Variants in PYY observed in about 807,000 individuals in gnomAD.
The protein encoded by PYY is peptide YY.
A neutral mutation model predicts 10.3 loss-of-function variants in PYY; 12 were observed. The ratio of observed to expected loss-of-function variants is 1.17; its 90% confidence interval spans 0.75 to 1.89. PYY has a LOEUF of 1.89. Among genes scored for constraint, PYY ranks in the 40% most tolerant of loss-of-function variants. The pLI is 0.00. For synonymous variants in PYY, 66 were observed against 62.0 expected (o/e 1.06, Z -0.30); for missense variants, 141 against 134.0 (o/e 1.05, Z -0.26).
Position 43,989,157 on chromosome 17 carries a change from G to A in PYY, c.-463+15234C>T, listed in dbSNP as rs532191170. 1.1e-4 allele frequency among the ~76,000 whole-genome samples: 16 copies of A among 151,948 alleles called. No individual in the cohort carries two copies. The South Asian group carries it at 1.9e-3, about 18-fold the overall frequency. ...CGGGAGGCCAAGGCGGGCGGATCAC[G>A]AGGTCAGGAGATCAAGACCATCCTG... On this transcript the variant is annotated intron_variant, in intron 1 of 6. Transcript: ENST00000360085.
At chr17:43,990,940 G>A (rs1023158309) in intron 1 of PYY, among the ~76,000 whole-genome samples, 4 of 151,424 alleles carry the variant, frequency 2.6e-5, no homozygotes, top group South Asian at 2.1e-4. Context: ...GACTACAGGC[G>A]CCCGCCACCA....
chr17:43,952,822 C>T lies in PYY; in HGVS notation c.*134G>A. On this transcript the variant is annotated 3_prime_UTR_variant, in exon 4 of 4. Coordinates refer to ENST00000692052, the MANE Select transcript of PYY (RefSeq NM_001394028.1). ...CCCAGGGGGCGGGGGCACCGAGACG[C>T]GGGCGGAGGGCCGCACCCGAACCCT... 1.0e-6 allele frequency: 1 copy of T among 975,900 alleles called. No individual in the cohort carries two copies. Among genetic ancestry groups the T allele is most frequent in the Non-Finnish European group, 1.5e-6 (1 of 677,630 alleles). The allele number at this position is 975,900 out of a possible 1,614,324, so 60.5% of individuals were successfully genotyped here.
chr17:43,969,698 G>A (rs922355172), intron 1 of PYY, among the ~76,000 whole-genome samples: 3 of 151,380 alleles, frequency 2.0e-5, no homozygotes, highest in African/African-American at 7.3e-5. Context: ...GAAGCCAGGA[G>A]TTCAAGACCA....
At chr17:43,974,640 C>T (rs1487670990) in intron 1 of PYY, among the ~76,000 whole-genome samples, 1 of 152,184 alleles carries the variant, frequency 6.6e-6, no homozygotes, top group Non-Finnish European at 1.5e-5. Flanking sequence ...CCATAACGTG[C>T]TACATTTTCT....
intron 1 of PYY, among the ~76,000 whole-genome samples, chr17:44,002,453 G>A (rs1177757819): frequency 1.3e-5 from 2 of 152,118 alleles, no homozygotes; most frequent in African/African-American, 4.8e-5. Flanking sequence ...TGTGACCTTG[G>A]CCAGGTCACC....
chr17:43,985,398 G>A (rs985201576), intron 1 of PYY, among the ~76,000 whole-genome samples: 1 of 151,996 alleles, frequency 6.6e-6, no homozygotes, highest in Non-Finnish European at 1.5e-5. Context: ...TTGTAGATAC[G>A]GGGTCTCACT....
In PYY at chr17:43,953,287, T is replaced by G; in HGVS notation, c.188+9A>C. ...AGCCCCAGGGGTCCCGCTCCGCGCCTGCGCTCACCGCTGCCGGGTGACCAG... is the reference window on the plus strand; with the variant it reads ...AGCCCCAGGGGTCCCGCTCCGCGCCGGCGCTCACCGCTGCCGGGTGACCAG... On this transcript the variant is annotated intron_variant, in intron 2 of 3. Coordinates refer to ENST00000692052, the MANE Select transcript of PYY (RefSeq NM_001394028.1). 6.2e-7 allele frequency: 1 copy of G among 1,610,984 alleles called. No homozygotes were observed. The highest frequency in any genetic ancestry group is 8.5e-7 in the Non-Finnish European group (1 of 1,178,526).
chr17:43,975,834 G>A (rs1169677444), intron 1 of PYY, among the ~76,000 whole-genome samples: 1 of 52,380 alleles, frequency 1.9e-5, no homozygotes, highest in Admixed American at 2.0e-4. Flanking sequence ...GTCTACGTAC[G>A]TGTACATACA....
intron 1 of PYY, among the ~76,000 whole-genome samples, chr17:43,983,429 GCCCCAAAGAC>G (rs2048895954): frequency 6.6e-6 from 1 of 152,216 alleles, no homozygotes; most frequent in Non-Finnish European, 1.5e-5. Context: ...CCTGCTCAGT[GCCCCAAAGAC>G]CCAGTCCTGC....
Position 43,953,415 on chromosome 17 carries a change from C to A in PYY, c.69G>T (p.Gly23=), listed in dbSNP as rs201706341. 59 of 1,612,888 alleles carry A rather than the reference C, an allele frequency of 3.7e-5. No individual in the cohort carries two copies. Among genetic ancestry groups the A allele is most frequent in the Non-Finnish European group, 4.9e-5 (58 of 1,179,642 alleles). Residue 23 remains glycine, a synonymous_variant, in exon 2 of 4, where the codon GGG becomes GGT. Transcript: ENST00000692052. ...TGATGGGGTAGGCGTCGACCAGCGC[C>A]CCTAGGCAGACGAGCAGGGCCAGAA... ...TVLLALLVCL[G]ALVDAYPIKP...
At chr17:43,990,135 C>T (rs2048946535) in intron 1 of PYY, among the ~76,000 whole-genome samples, 1 of 151,474 alleles carries the variant, frequency 6.6e-6, no homozygotes, top group African/African-American at 2.4e-5. Context: ...ACTGGCACAA[C>T]TCTTTGAAAA....
intron 1 of PYY, among the ~76,000 whole-genome samples, chr17:43,974,127 T>C (rs961552979): frequency 6.6e-6 from 1 of 152,142 alleles, no homozygotes; most frequent in African/African-American, 2.4e-5. Flanking sequence ...CTGCTTATTA[T>C]TATATCATTT....
Position 43,953,303 on chromosome 17 carries a change from G to T in PYY, c.181C>A (p.Arg61=). The T allele has an allele frequency of 6.2e-7, 1 of 1,612,276 alleles. No homozygotes were observed. Among genetic ancestry groups the T allele is most frequent in the Non-Finnish European group, 8.5e-7 (1 of 1,179,194 alleles). Residue 61 remains arginine (R), a synonymous_variant, in exon 2 of 4, where the codon CGG becomes AGG. Transcript: ENST00000692052. The part of the protein sequence containing the change: ...SLRHYLNLVT[R]QRYGKRDGPD... ...CTCCGCGCCTGCGCTCACCGCTGCC[G>T]GGTGACCAGGTTGAGGTAGTGGCGC...
intron 1 of PYY, among the ~76,000 whole-genome samples, chr17:43,972,280 C>G (rs769696142): frequency 1.1e-4 from 16 of 151,122 alleles, no homozygotes; most frequent in Non-Finnish European, 2.4e-4. Flanking sequence ...GTGGCGTGAT[C>G]TTGGCCTGCT....
At chr17:43,979,197 G>T (rs913720987) in intron 1 of PYY, among the ~76,000 whole-genome samples, 8 of 152,224 alleles carry the variant, frequency 5.3e-5, no homozygotes, top group Admixed American at 4.6e-4. Context: ...GCATCACTTG[G>T]CGGCTAATTA....
At chr17:43,963,582 G>GAAAGA (rs535783368) in intron 2 of PYY, among the ~76,000 whole-genome samples, 6 of 73,854 alleles carry the variant, frequency 8.1e-5, no homozygotes, top group African/African-American at 2.8e-4. Flanking sequence ...AAGAAAGAAA[G>GAAAGA]AAAGAAAGAA....
At chr17:43,990,391 A>T (rs972233320) in intron 1 of PYY, among the ~76,000 whole-genome samples, 43 of 149,884 alleles carry the variant, frequency 2.9e-4, no homozygotes, top group Admixed American at 8.7e-4. Flanking sequence ...GTGAGCCGAG[A>T]TCGCACCATT....
At chr17:43,957,071 G>A (rs529050864), upstream of PYY, among the ~76,000 whole-genome samples, 33 of 151,940 alleles carry the variant, frequency 2.2e-4, no homozygotes, top group African/African-American at 7.0e-4. Flanking sequence ...CGTGGCGCAT[G>A]CCTGTAGTCC....
chr17:43,965,729 A>G (rs1414146398), intron 2 of PYY, among the ~76,000 whole-genome samples: 1 of 135,418 alleles, frequency 7.4e-6, no homozygotes, highest in East Asian at 2.4e-4. Flanking sequence ...CGGAGGTTTC[A>G]GTGAGCCGAG....
Sources: gnomAD v4.1 joint callset for allele counts (sites outside exome capture counted in the v4.1 genomes callset) on GRCh38, gnomAD v4.1.1 for gene constraint, MANE v1.5 for transcripts, NCBI Gene and HGNC (gene_info 2026-07-23, HGNC 2026-07-21) for gene names.